The following DPP10 variants were observed in gnomAD, a reference collection of about 807,000 sequenced individuals.
The protein encoded by DPP10 is inactive dipeptidyl peptidase 10.
A neutral mutation model predicts 120.9 loss-of-function variants in DPP10; 33 were observed. The observed-to-expected ratio is 0.27, with a 90% confidence interval of 0.21 to 0.37. DPP10 has a LOEUF of 0.37. Among genes scored for constraint, DPP10 ranks in the 10% least tolerant of loss-of-function variants. The pLI is 1.00. For missense variants in DPP10, 816 were observed against 942.8 expected (o/e 0.87, Z 1.76); for synonymous variants, 337 against 326.1 (o/e 1.03, Z -0.36).
At chr2:114,719,786 A>G (rs1029577730) in intron 1 of DPP10, among the ~76,000 whole-genome samples, 7 of 152,210 alleles carry the variant, frequency 4.6e-5, no homozygotes, top group Non-Finnish European at 8.8e-5. Flanking sequence ...ATAAATGGCT[A>G]TATATTCTTC....
At chr2:115,460,838 A>G (rs114405044) in intron 3 of DPP10, among the ~76,000 whole-genome samples, 1 of 152,338 alleles carries the variant, frequency 6.6e-6, no homozygotes, top group Non-Finnish European at 1.5e-5. Flanking sequence ...ATCACAACAT[A>G]TTGCCTGGAA....
chr2:115,614,207 G>T (rs2084320356), intron 5 of DPP10, among the ~76,000 whole-genome samples: 1 of 152,132 alleles, frequency 6.6e-6, no homozygotes, highest in Non-Finnish European at 1.5e-5. Context: ...TTAGAGACCA[G>T]CTCTCAGCTT....
At chr2:115,509,012 G>T (rs1326205745) in intron 4 of DPP10, among the ~76,000 whole-genome samples, 1 of 152,156 alleles carries the variant, frequency 6.6e-6, no homozygotes, top group African/African-American at 2.4e-5. Context: ...TAGAAACAAA[G>T]AATGCCATGG....
At chr2:115,022,424 A>C (rs1245332102) in intron 1 of DPP10, among the ~76,000 whole-genome samples, 1 of 152,126 alleles carries the variant, frequency 6.6e-6, no homozygotes, top group Non-Finnish European at 1.5e-5. Flanking sequence ...AGCTGCAAAA[A>C]AGTAAAAATA....
chr2:115,423,498 G>T (rs1419972965), intron 3 of DPP10, among the ~76,000 whole-genome samples: 7 of 152,094 alleles, frequency 4.6e-5, no homozygotes, highest in Non-Finnish European at 8.8e-5. Context: ...TGTTTTCTTT[G>T]TATATAGAGA....
At chr2:115,419,736 A>G (rs945754033) in intron 3 of DPP10, among the ~76,000 whole-genome samples, 1 of 152,196 alleles carries the variant, frequency 6.6e-6, no homozygotes, top group Non-Finnish European at 1.5e-5. Flanking sequence ...CTTAAATAAG[A>G]TGAATCAATT....
At chr2:114,924,809 A>C (rs1251170570) in intron 1 of DPP10, among the ~76,000 whole-genome samples, 1 of 152,190 alleles carries the variant, frequency 6.6e-6, no homozygotes, top group Non-Finnish European at 1.5e-5. Context: ...AAAAAACAAA[A>C]ACAAAAACAA....
chr2:115,452,985 A>T (rs1448781033), intron 3 of DPP10, among the ~76,000 whole-genome samples: 1 of 151,772 alleles, frequency 6.6e-6, no homozygotes, highest in Non-Finnish European at 1.5e-5. Flanking sequence ...CGTAAGGATG[A>T]GCTTGGATTA....
At chr2:115,606,731 A>G (rs1360148235) in intron 5 of DPP10, among the ~76,000 whole-genome samples, 1 of 152,174 alleles carries the variant, frequency 6.6e-6, no homozygotes, top group Non-Finnish European at 1.5e-5. Context: ...TACCAGTACT[A>G]ATTTCCTGGA....
At chr2:114,514,799 C>T (rs62173078) in intron 1 of DPP10, among the ~76,000 whole-genome samples, 22,949 of 148,796 alleles carry the variant, frequency 0.15, 1,884 homozygotes, top group East Asian at 0.25. Flanking sequence ...TTTTTTTCCA[C>T]GTTGGAGGCA....
Position 114,563,771 on chromosome 2 carries a change from A to G in DPP10, c.60+120933A>G, listed in dbSNP as rs143524166. Among the ~76,000 whole-genome samples, 7 of 152,298 alleles carry G rather than the reference A, an allele frequency of 4.6e-5. No homozygotes were observed. The East Asian group carries it at 1.4e-3, about 29-fold the overall frequency. On this transcript the variant is annotated intron_variant, in intron 1 of 25. Coordinates refer to ENST00000410059, the MANE Select transcript of DPP10 (RefSeq NM_020868.6). ...CACACTTCAGGAGGCCAGAAGCTAAACAAGCAAGTGTGAGCGTTAGCCTGT... is the reference window on the plus strand; with the variant it reads ...CACACTTCAGGAGGCCAGAAGCTAAGCAAGCAAGTGTGAGCGTTAGCCTGT...
intron 1 of DPP10, among the ~76,000 whole-genome samples, chr2:114,627,629 C>T (rs992481859): frequency 5.3e-5 from 8 of 151,548 alleles, no homozygotes; most frequent in African/African-American, 9.7e-5. Context: ...GGGGAGGGAG[C>T]GGAAGTAAAA....
intron 1 of DPP10, among the ~76,000 whole-genome samples, chr2:114,994,208 C>T (rs998563737): frequency 6.6e-6 from 1 of 152,020 alleles, no homozygotes; most frequent in Non-Finnish European, 1.5e-5. Context: ...TAGAAAAGAG[C>T]TTTTATATTT....
chr2:115,562,479 T>A (rs1385780892), intron 5 of DPP10, among the ~76,000 whole-genome samples: 1 of 152,188 alleles, frequency 6.6e-6, no homozygotes, highest in Non-Finnish European at 1.5e-5. Flanking sequence ...AGTTCCACAC[T>A]CATTTTTTCT....
intron 3 of DPP10, among the ~76,000 whole-genome samples, chr2:115,367,133 C>G (rs557525789): frequency 4.9e-4 from 75 of 152,032 alleles, no homozygotes; most frequent in Admixed American, 2.5e-3. Flanking sequence ...GCAGACAGAC[C>G]GCCCATAATT....
intron 2 of DPP10, among the ~76,000 whole-genome samples, chr2:115,335,831 A>G (rs973133448): frequency 7.9e-5 from 12 of 152,058 alleles, no homozygotes; most frequent in Non-Finnish European, 1.5e-5. Flanking sequence ...ATTAAGAGTA[A>G]ATATTTAAAC....
rs116278280 is a variant in DPP10, at chr2:114,823,425, G to T, written c.60+380587G>T. On this transcript the variant is annotated intron_variant, in intron 1 of 25. Transcript: ENST00000410059. ...ATGTAATTCAAGATGAGATCTGGGT[G>T]GAGGCACAGCCAAAACATATCCCAT... Among the ~76,000 whole-genome samples, 959 of 152,230 alleles carry T rather than the reference G, an allele frequency of 6.3e-3. 10 individuals carry two copies. Among genetic ancestry groups the T allele is most frequent in the Non-Finnish European group, 0.01 (712 of 68,020 alleles).
chr2:115,822,115 AC>A (rs991222866), intron 21 of DPP10, among the ~76,000 whole-genome samples: 7 of 152,008 alleles, frequency 4.6e-5, no homozygotes, highest in African/African-American at 1.7e-4. Context: ...TTTACTGATA[AC>A]TGATAATACT....
chr2:115,769,457 C>G (rs1171433678), intron 13 of DPP10, among the ~76,000 whole-genome samples: 1 of 151,932 alleles, frequency 6.6e-6, no homozygotes, highest in Admixed American at 6.6e-5. Context: ...AAAACTTGTT[C>G]AGGGTCTGTG....
Sources: gnomAD v4.1 joint callset for allele counts (sites outside exome capture counted in the v4.1 genomes callset) on GRCh38, gnomAD v4.1.1 for gene constraint, MANE v1.5 for transcripts, NCBI Gene and HGNC (gene_info 2026-07-23, HGNC 2026-07-21) for gene names.